Variants in EFNB2 observed in about 807,000 individuals in gnomAD.
EFNB2 encodes the protein ephrin B2, also known as ephrin-B2.
A neutral mutation model predicts 32.1 loss-of-function variants in EFNB2; 5 were observed. The observed-to-expected ratio is 0.16, with a 90% CI of 0.08 to 0.33. EFNB2 has a LOEUF of 0.33. Ranked by LOEUF, EFNB2 falls within the 10% of genes least tolerant of loss-of-function variation. The pLI is 1.00. For missense variants in EFNB2, 263 were observed against 422.6 expected (o/e 0.62, Z 3.31); for synonymous variants, 168 against 166.5 (o/e 1.01, Z -0.07).
Position 106,512,791 on chromosome 13 carries a change from C to T in EFNB2, c.144G>A (p.Leu48=), listed in dbSNP as rs201811450. 3 of 1,594,050 alleles carry T rather than the reference C, an allele frequency of 1.9e-6. No individual in the cohort carries two copies. The highest frequency in any genetic ancestry group is 1.7e-5 in the Admixed American group (1 of 58,444). The change falls in exon 2 of 5, where the codon CTG becomes CTA. Residue 48 remains leucine (L), a synonymous_variant. Transcript: ENST00000646441. ...SNSKFLPGQG[L]VLYPQIGDKL... is the part of the protein sequence containing the mutation. ...TGTCTCCTATCTGTGGGTATAGTAC[C>T]AGTCCTTGTCCAGGTAGAAATCTAA...
chr13:106,502,387 A>C (rs1440100244), intron 2 of EFNB2, among the ~76,000 whole-genome samples: 1 of 152,222 alleles, frequency 6.6e-6, no homozygotes, highest in Non-Finnish European at 1.5e-5. Context: ...CTTTAATTTC[A>C]AATATTCATG....
intron 1 of EFNB2, 40 bp downstream of exon 1, chr13:106,534,803 C>G: frequency 1.3e-6 from 2 of 1,582,414 alleles, no homozygotes; most frequent in Non-Finnish European, 8.6e-7. Context: ...CGCGGCGGAC[C>G]CCGGGGCGGG....
At chr13:106,498,991 T>C (rs1019144563) in intron 2 of EFNB2, among the ~76,000 whole-genome samples, 2 of 152,154 alleles carry the variant, frequency 1.3e-5, no homozygotes, top group African/African-American at 4.8e-5. Flanking sequence ...AAAATACAGT[T>C]ACACGTTCCA....
At position 106,491,477 on chromosome 13, in the gene EFNB2, A is replaced by G. The variant is rs1188986656; in HGVS notation, c.*1563T>C. 6.6e-6 allele frequency: 1 copy of G among 152,572 alleles called. No individual in the cohort carries two copies. The highest frequency in any genetic ancestry group is 1.5e-5 in the Non-Finnish European group (1 of 68,040). The allele number at this position is 152,572 out of a possible 1,614,324, so 9.5% of individuals were successfully genotyped here. On this transcript the variant is annotated 3_prime_UTR_variant, in exon 5 of 5. Coordinates refer to ENST00000646441, the MANE Select transcript of EFNB2 (RefSeq NM_004093.4). ...TGTACTGTGTGCAACCTTAAAATAT[A>G]TATTAGTAAAAATCTTTCATTTTAT...
chr13:106,523,274 C>T (rs914947231), intron 1 of EFNB2, among the ~76,000 whole-genome samples: 1 of 152,190 alleles, frequency 6.6e-6, no homozygotes, highest in Non-Finnish European at 1.5e-5. Flanking sequence ...GACTTCCATA[C>T]GGATCGCCCC....
At chr13:106,500,790 T>C (rs552861187) in intron 2 of EFNB2, among the ~76,000 whole-genome samples, 2 of 152,346 alleles carry the variant, frequency 1.3e-5, no homozygotes, top group African/African-American at 4.8e-5. Context: ...ATCAGTTTCC[T>C]TAAGCTTGAT....
chr13:106,496,511 G>T (rs569923020), intron 2 of EFNB2, among the ~76,000 whole-genome samples: 1 of 152,134 alleles, frequency 6.6e-6, no homozygotes, highest in Non-Finnish European at 1.5e-5. Context: ...TACCTGTTGC[G>T]GGAAAACTCT....
At position 106,492,673 on chromosome 13, in the gene EFNB2, G is replaced by C. The variant is rs559875118; in HGVS notation, c.*367C>G. On this transcript the variant is annotated 3_prime_UTR_variant, in exon 5 of 5. Transcript: ENST00000646441. The surrounding 1 kb of genome is among the most constrained non-coding windows in gnomAD (Gnocchi z 5.1). ...CCGGCCCTTCCAGGCGTGGCATCCTGGGGCACCTGCCAGGATGCTCACAGC... is the reference window on the plus strand; with the variant it reads ...CCGGCCCTTCCAGGCGTGGCATCCTCGGGCACCTGCCAGGATGCTCACAGC... 154 of 202,342 alleles carry C rather than the reference G, an allele frequency of 7.6e-4. No individual in the cohort carries two copies. The highest frequency in any genetic ancestry group is 1.6e-3 in the Admixed American group (30 of 19,182). 12.5% of individuals were successfully genotyped at this position (202,342 alleles called of 1,614,324 possible).
At chr13:106,522,661 C>CA (rs1257804911) in intron 1 of EFNB2, among the ~76,000 whole-genome samples, 1 of 151,470 alleles carries the variant, frequency 6.6e-6, no homozygotes, top group African/African-American at 2.4e-5. Context: ...ACCCTCTGCC[C>CA]ATCCCTTTCC....
chr13:106,531,067 G>C (rs903740487), intron 1 of EFNB2, among the ~76,000 whole-genome samples: 2 of 152,182 alleles, frequency 1.3e-5, no homozygotes, highest in Non-Finnish European at 2.9e-5. Context: ...GGAAATGTTG[G>C]AGTCATCTGC....
rs547844614 is a variant in EFNB2 at position 106,492,704 on chromosome 13, C to T, written c.*336G>A. 61 of 227,376 alleles carry T rather than the reference C, an allele frequency of 2.7e-4. No individual in the cohort carries two copies. The highest frequency in any genetic ancestry group is 1.3e-3 in the African/African-American group (60 of 45,300). 14.1% of individuals were successfully genotyped at this position (227,376 alleles called of 1,614,324 possible). A position where few individuals can be genotyped will look rare whatever the true frequency, so the allele number is the denominator to read the frequency against. Reference sequence around the variant, plus strand: ...CCTGCCAGGATGCTCACAGCCCTCTCGTCCACAAACCACTGTCTTCCCTTG... The same window carrying T: ...CCTGCCAGGATGCTCACAGCCCTCTTGTCCACAAACCACTGTCTTCCCTTG... On this transcript the variant is annotated 3_prime_UTR_variant, in exon 5 of 5. Coordinates refer to ENST00000646441, the MANE Select transcript of EFNB2 (RefSeq NM_004093.4). This position sits in a 1 kb window ranked among gnomAD's most constrained non-coding sequence, Gnocchi z 5.1.
intron 2 of EFNB2, among the ~76,000 whole-genome samples, chr13:106,499,875 A>G (rs1036504059): frequency 6.6e-6 from 1 of 152,192 alleles, no homozygotes; most frequent in East Asian, 1.9e-4. Flanking sequence ...AAGTCACTAC[A>G]TTGTTCCCCC....
In EFNB2 at chr13:106,494,889, G is replaced by A. The variant is rs1225906757; in HGVS notation, c.605C>T (p.Pro202Leu). ...AGATCATGCTGTTATACCTGGATTT[G>A]GTTTTACAAAGGGACTTGTTGTCGA... ...RSSTTSPFVK[P>L]NPGSSTDGNS... The change falls in exon 4 of 5, where the codon CCA becomes CTA. Residue 202 changes from proline to leucine, a missense_variant. Transcript: ENST00000646441. 1 of 1,613,344 alleles carries A rather than the reference G, an allele frequency of 6.2e-7. No homozygotes were observed. The highest frequency in any genetic ancestry group is 1.1e-5 in the South Asian group (1 of 91,062).
chr13:106,492,858 G>T lies in EFNB2; in HGVS notation c.*182C>A. 1 of 757,998 alleles carries T rather than the reference G, an allele frequency of 1.3e-6. No individual in the cohort carries two copies. Among genetic ancestry groups the T allele is most frequent in the Non-Finnish European group, 2.1e-6 (1 of 487,424 alleles). The allele number at this position is 757,998 out of a possible 1,614,324, so 47.0% of individuals were successfully genotyped here. On this transcript the variant is annotated 3_prime_UTR_variant, in exon 5 of 5. Coordinates refer to ENST00000646441, the MANE Select transcript of EFNB2 (RefSeq NM_004093.4). This position sits in a 1 kb window ranked among gnomAD's most constrained non-coding sequence, Gnocchi z 5.1. ...TCCAGGGAGCGTGTGTGTTCACCAA[G>T]GCCGAATGCTACAAGACTAGGTAAG... is the stretch of plus-strand genomic sequence containing the variant.
intron 2 of EFNB2, among the ~76,000 whole-genome samples, chr13:106,508,790 T>C (rs1026344432): frequency 2.6e-4 from 39 of 152,228 alleles, no homozygotes; most frequent in African/African-American, 4.8e-4. Context: ...TAACCATCTA[T>C]GAGAAGAATG....
Position 106,491,313 on chromosome 13 carries a change from T to C in EFNB2, c.*1727A>G, listed in dbSNP as rs147875727. ...CGTGAGATGCCTTCGGAGGACTTGG[T>C]TATTTTTGCATTTGCTCTCATTATT... On this transcript the variant is annotated 3_prime_UTR_variant, in exon 5 of 5. Transcript: ENST00000646441. 3.5e-4 allele frequency: 53 copies of C among 152,768 alleles called. No individual in the cohort carries two copies. The highest frequency in any genetic ancestry group is 1.3e-3 in the African/African-American group (53 of 41,576). 9.5% of individuals were successfully genotyped at this position (152,768 alleles called of 1,614,324 possible).
rs578123720 is a variant in EFNB2 at position 106,493,883 on chromosome 13, C to T, written c.614-455G>A. On this transcript the variant is annotated intron_variant, in intron 4 of 4. Transcript: ENST00000646441. The surrounding 1 kb of genome is among the most constrained non-coding windows in gnomAD (Gnocchi z 6.1). ...GCCTGCCTTCTAAAGAAGAGCCCTG[C>T]CTCCTGGCAGAACAGAACAGCTCGG... Among the ~76,000 whole-genome samples, 10 of 152,210 alleles carry T rather than the reference C, an allele frequency of 6.6e-5. No homozygotes were observed. The highest frequency in any genetic ancestry group is 1.5e-4 in the Non-Finnish European group (10 of 68,046).
intron 1 of EFNB2, 81 bp downstream of exon 1, chr13:106,534,762 C>G (rs956212905): frequency 4.0e-6 from 6 of 1,484,138 alleles, no homozygotes; most frequent in Admixed American, 2.2e-5. Flanking sequence ...TCCGAGGCCC[C>G]GCGGACTGAC....
chr13:106,531,951 G>C (rs1363250226), intron 1 of EFNB2, among the ~76,000 whole-genome samples: 1 of 150,048 alleles, frequency 6.7e-6, no homozygotes, highest in Admixed American at 6.6e-5. Flanking sequence ...TTTTAAAAAA[G>C]AGCCCACTAC....
Sources: gnomAD v4.1 joint callset for allele counts (sites outside exome capture counted in the v4.1 genomes callset) on GRCh38, gnomAD v4.1.1 for gene constraint, Gnocchi (gnomAD v3.1) non-coding constraint, MANE v1.5 for transcripts, NCBI Gene and HGNC (gene_info 2026-07-23, HGNC 2026-07-21) for gene names.